Variants in TNNI3K observed in about 807,000 individuals in gnomAD.
The protein encoded by TNNI3K is TNNI3 interacting kinase, also known as serine/threonine-protein kinase TNNI3K.
Under a neutral mutation model 114.5 loss-of-function variants are expected in TNNI3K, and 140 were observed. The ratio of observed to expected loss-of-function variants is 1.22; its 90% CI spans 1.07 to 1.41. TNNI3K has a LOEUF of 1.41. Among genes scored for constraint, TNNI3K ranks in the 40% most tolerant of loss-of-function variants. The probability of loss-of-function intolerance (pLI) is 0.00; values close to 1 mark genes in which losing one functional copy is unlikely to be tolerated. For synonymous variants in TNNI3K, 347 were observed against 347.5 expected, an observed-to-expected ratio of 1.00 and a Z score of 0.02; for missense variants, 1,125 against 1,007.6, an observed-to-expected ratio of 1.12 and a Z score of -1.58.
chr1:74,255,723 C>T (rs1255391967), intron 4 of TNNI3K, among the ~76,000 whole-genome samples: 1 of 152,166 alleles, frequency 6.6e-6, no homozygotes, highest in Admixed American at 6.5e-5. Context: ...TAACCATCAT[C>T]ACAGTCATGT....
At chr1:74,255,760 A>G (rs770926344) in intron 4 of TNNI3K, among the ~76,000 whole-genome samples, 2 of 152,202 alleles carry the variant, frequency 1.3e-5, no homozygotes, top group African/African-American at 2.4e-5. Context: ...TATACCAAAA[A>G]GTTCCCTCAT....
At chr1:74,253,875 G>A (rs1655116164) in intron 4 of TNNI3K, among the ~76,000 whole-genome samples, 1 of 152,224 alleles carries the variant, frequency 6.6e-6, no homozygotes, top group Non-Finnish European at 1.5e-5. Context: ...AAGAGCGAGC[G>A]AGGGCTGCAA....
chr1:74,433,910 A>C (rs1177323294), intron 17 of TNNI3K, among the ~76,000 whole-genome samples: 2 of 151,918 alleles, frequency 1.3e-5, no homozygotes, highest in East Asian at 3.9e-4. Flanking sequence ...ACAAAGCTAG[A>C]GTTTTGGAGG....
intron 5 of TNNI3K, among the ~76,000 whole-genome samples, chr1:74,328,003 G>A (rs1217722796): frequency 1.3e-5 from 2 of 151,890 alleles, no homozygotes; most frequent in East Asian, 3.9e-4. Flanking sequence ...ACAGGTCTTG[G>A]AATATAGCAA....
chr1:74,254,817 C>T (rs549308937), intron 4 of TNNI3K, among the ~76,000 whole-genome samples: 2 of 152,252 alleles, frequency 1.3e-5, no homozygotes, highest in East Asian at 3.9e-4. Flanking sequence ...ACAGCTACTC[C>T]ATAGACAGGG....
chr1:74,411,872 A>G (rs1407910880), intron 17 of TNNI3K, among the ~76,000 whole-genome samples: 4 of 152,200 alleles, frequency 2.6e-5, no homozygotes, highest in African/African-American at 9.6e-5. Context: ...ACACATAGCT[A>G]TGTAGACATG....
chr1:74,388,388 G>T (rs1377158832), intron 17 of TNNI3K, among the ~76,000 whole-genome samples: 1 of 152,152 alleles, frequency 6.6e-6, no homozygotes, highest in Non-Finnish European at 1.5e-5. Context: ...TCGAGAAATA[G>T]CAAGAAACAG....
chr1:74,349,410 A>G (rs187523185), intron 9 of TNNI3K, among the ~76,000 whole-genome samples: 61 of 152,234 alleles, frequency 4.0e-4, no homozygotes, highest in Admixed American at 2.0e-3. Flanking sequence ...AATGTTCATC[A>G]AGGATATTCG....
chr1:74,292,982 A>T (rs887965694), intron 5 of TNNI3K, among the ~76,000 whole-genome samples: 1 of 151,722 alleles, frequency 6.6e-6, no homozygotes, highest in East Asian at 1.9e-4. Flanking sequence ...CATGAAGTCC[A>T]ATTTTTCCCT....
intron 17 of TNNI3K, 24 bp from the exon 18 acceptor site, chr1:74,436,056 T>C (rs1666109401): frequency 5.0e-5 from 1 of 19,838 alleles, no homozygotes; most frequent in Non-Finnish European, 2.3e-4. Context: ...CAATGTCTAC[T>C]TTTTTTTTTT....
intron 23 of TNNI3K, among the ~76,000 whole-genome samples, chr1:74,520,368 G>A (rs373689246): frequency 2.0e-5 from 3 of 152,046 alleles, no homozygotes; most frequent in African/African-American, 4.8e-5. Context: ...ACTACTTCGC[G>A]TGAGTTCCAC....
intron 9 of TNNI3K, among the ~76,000 whole-genome samples, chr1:74,352,880 A>G (rs1008220358): frequency 3.3e-5 from 5 of 152,118 alleles, no homozygotes; most frequent in African/African-American, 1.2e-4. Flanking sequence ...CCTTTCTTTG[A>G]CTAGGAAAGG....
In TNNI3K at chr1:74,501,000, T is replaced by G. The variant is rs1669596816; in HGVS notation, c.2351+8734T>G. On this transcript the variant is annotated intron_variant, in intron 23 of 24. Coordinates refer to ENST00000326637, the MANE Select transcript of TNNI3K (RefSeq NM_015978.3). Reference sequence around the variant, plus strand: ...ATATTATGTTTCCAGAATTTGAAAATTGACATCTTTCATAAACTCTGGATA... The same window carrying G: ...ATATTATGTTTCCAGAATTTGAAAAGTGACATCTTTCATAAACTCTGGATA... Among the ~76,000 whole-genome samples, 3 of 152,190 alleles carry G rather than the reference T, an allele frequency of 2.0e-5. No homozygotes were observed. In the South Asian group the frequency reaches 6.2e-4, roughly 31 times the overall value.
intron 2 of TNNI3K, among the ~76,000 whole-genome samples, chr1:74,245,831 C>A (rs1357763730): frequency 6.6e-6 from 1 of 152,112 alleles, no homozygotes; most frequent in Admixed American, 6.5e-5. Context: ...ATGCAGTATT[C>A]CCAAACTTTT....
intron 23 of TNNI3K, among the ~76,000 whole-genome samples, chr1:74,525,723 C>A (rs1375475678): frequency 6.6e-6 from 1 of 152,114 alleles, no homozygotes; most frequent in African/African-American, 2.4e-5. Flanking sequence ...GTGCACAAGG[C>A]CACAGAGAAC....
intron 17 of TNNI3K, among the ~76,000 whole-genome samples, chr1:74,429,438 A>G (rs1388423365): frequency 6.6e-6 from 1 of 152,070 alleles, no homozygotes; most frequent in Non-Finnish European, 1.5e-5. Flanking sequence ...CTTGAAACAA[A>G]TTGGAATCAG....
intron 5 of TNNI3K, among the ~76,000 whole-genome samples, chr1:74,322,686 C>A (rs1659685545): frequency 6.6e-6 from 1 of 152,028 alleles, no homozygotes; most frequent in Non-Finnish European, 1.5e-5. Flanking sequence ...GTCTAAAACT[C>A]CTCAGCTCAG....
intron 2 of TNNI3K, chr1:74,240,529 A>G (rs1252260321): frequency 6.6e-6 from 1 of 152,226 alleles, no homozygotes; most frequent in Non-Finnish European, 1.5e-5. Flanking sequence ...TTCAAAATGT[A>G]TCATATTCAT....
rs111621726 is a variant in TNNI3K, at chr1:74,272,792, G to A, written c.444+1084G>A. Among the ~76,000 whole-genome samples, 178 of 151,910 alleles carry A rather than the reference G, an allele frequency of 1.2e-3. 1 individual carries two copies. The highest frequency in any genetic ancestry group is 5.1e-3 in the Admixed American group (77 of 15,234). On this transcript the variant is annotated intron_variant, in intron 5 of 24. Coordinates refer to ENST00000326637, the MANE Select transcript of TNNI3K (RefSeq NM_015978.3). The stretch of plus-strand genomic sequence containing the variant: ...TCCTCATCGAATAGTTTTTATTGCC[G>A]CTGCCATTTGATAGATATAAAACTA...
Sources: allele counts gnomAD v4.1 joint callset (sites outside exome capture counted in the v4.1 genomes callset), GRCh38; gene constraint gnomAD v4.1.1; transcripts MANE v1.5; gene names NCBI Gene and HGNC (gene_info 2026-07-23, HGNC 2026-07-21).